ATRNL1: variants seen among roughly 807,000 people sequenced by gnomAD.
ATRNL1 encodes attractin-like protein 1.
A neutral mutation model predicts 182.7 loss-of-function variants in ATRNL1; 95 were observed. The ratio of observed to expected loss-of-function variants is 0.52; its 90% CI spans 0.44 to 0.62. The LOEUF is 0.62. ATRNL1 is among the 20% of genes least tolerant of loss of function. The pLI, the probability that ATRNL1 is intolerant of heterozygous loss-of-function variation, is 0.00. For synonymous variants in ATRNL1, 576 were observed against 568.3 expected, an observed-to-expected ratio of 1.01 and a Z score of -0.19; for missense variants, 1,471 against 1,679.5, an observed-to-expected ratio of 0.88 and a Z score of 2.17.
At chr10:115,267,141 A>C in intron 12 of ATRNL1, 136 bp downstream of exon 12, 1 of 596,718 alleles carries the variant, frequency 1.7e-6, no homozygotes, top group Non-Finnish European at 2.9e-6. Context: ...AGGAATTCTA[A>C]TGTTTGAACC....
At position 115,271,952 on chromosome 10, in the gene ATRNL1, C is replaced by T. The variant is rs782317812; in HGVS notation, c.2100+3508C>T. ...TCCCTCATGAATGGCTTGGGCCACC[C>T]GCTTGTTGATACGTGAGCTCTTGCT... On this transcript the variant is annotated intron_variant, in intron 13 of 28. Coordinates refer to ENST00000355044, the MANE Select transcript of ATRNL1 (RefSeq NM_207303.4). Among the ~76,000 whole-genome samples the T allele has an allele frequency of 4.6e-5, 7 of 152,118 alleles. No homozygotes were observed. The East Asian group carries it at 7.7e-4, about 17-fold the overall frequency.
At chr10:115,500,860 T>C (rs10787574) in intron 24 of ATRNL1, among the ~76,000 whole-genome samples, 89,327 of 149,118 alleles carry the variant, frequency 0.6, 27,136 homozygotes, top group Middle Eastern at 0.67. Context: ...ATTTTTTTTA[T>C]GTAGGCTTTT....
At chr10:115,922,708 T>C (rs1456151338) in intron 28 of ATRNL1, among the ~76,000 whole-genome samples, 3 of 152,214 alleles carry the variant, frequency 2.0e-5, no homozygotes, top group Non-Finnish European at 4.4e-5. Context: ...CAGTGCTGAC[T>C]TTTCCAATCT....
chr10:115,908,073 C>T (rs1952556640), intron 28 of ATRNL1, among the ~76,000 whole-genome samples: 2 of 152,162 alleles, frequency 1.3e-5, no homozygotes, highest in Non-Finnish European at 2.9e-5. Context: ...TTGAGATCTA[C>T]TTCCTACAAG....
At chr10:115,706,061 A>G (rs1358545174) in intron 26 of ATRNL1, among the ~76,000 whole-genome samples, 3 of 151,866 alleles carry the variant, frequency 2.0e-5, no homozygotes, top group Non-Finnish European at 4.4e-5. Flanking sequence ...TGTAAACTCA[A>G]TGACTTAAAA....
chr10:115,599,953 G>T (rs1040502650), intron 26 of ATRNL1, among the ~76,000 whole-genome samples: 2 of 152,006 alleles, frequency 1.3e-5, no homozygotes, highest in Non-Finnish European at 2.9e-5. Flanking sequence ...AATCTCAAAA[G>T]GTTCCCTCAT....
At chr10:115,267,029 T>G in intron 12 of ATRNL1, 24 bp downstream of exon 12, 1 of 1,506,504 alleles carries the variant, frequency 6.6e-7, no homozygotes, top group Non-Finnish European at 9.2e-7. Flanking sequence ...TCTTTTCGTC[T>G]TTGTGGCAGC....
intron 8 of ATRNL1, among the ~76,000 whole-genome samples, chr10:115,190,616 C>A (rs1390252069): frequency 2.6e-5 from 4 of 151,994 alleles, no homozygotes; most frequent in Admixed American, 2.6e-4. Flanking sequence ...TTATGAGATA[C>A]ATGTGATGTT....
intron 13 of ATRNL1, among the ~76,000 whole-genome samples, chr10:115,279,472 G>A (rs1022674348): frequency 2.6e-5 from 4 of 152,112 alleles, no homozygotes; most frequent in Admixed American, 2.6e-4. Context: ...AGGGCAATAG[G>A]AGGTGTCATC....
chr10:115,771,248 T>G (rs1395984897), intron 27 of ATRNL1, among the ~76,000 whole-genome samples: 1 of 130,972 alleles, frequency 7.6e-6, no homozygotes, highest in Non-Finnish European at 1.6e-5. Flanking sequence ...TTTTTTTTTT[T>G]GAGACAGAGT....
At chr10:115,685,724 A>G (rs1012268420) in intron 26 of ATRNL1, among the ~76,000 whole-genome samples, 3 of 151,932 alleles carry the variant, frequency 2.0e-5, no homozygotes, top group Non-Finnish European at 4.4e-5. Context: ...ATTGAATATC[A>G]TCTGTATTTT....
intron 28 of ATRNL1, among the ~76,000 whole-genome samples, chr10:115,853,346 A>G (rs998844211): frequency 6.6e-6 from 1 of 152,212 alleles, no homozygotes; most frequent in Admixed American, 6.5e-5. Flanking sequence ...AAAGATGTAG[A>G]TGGTTTATAG....
intron 19 of ATRNL1, among the ~76,000 whole-genome samples, chr10:115,357,828 T>C (rs1379948162): frequency 6.6e-6 from 1 of 151,692 alleles, no homozygotes; most frequent in Non-Finnish European, 1.5e-5. Flanking sequence ...ATTTCCAAAG[T>C]CCCACTACTA....
At chr10:115,666,019 G>C (rs1480670546) in intron 26 of ATRNL1, among the ~76,000 whole-genome samples, 1 of 152,062 alleles carries the variant, frequency 6.6e-6, no homozygotes, top group Non-Finnish European at 1.5e-5. Context: ...AATAACATTG[G>C]TATGGTAATT....
intron 24 of ATRNL1, among the ~76,000 whole-genome samples, chr10:115,470,048 G>C (rs1554971813): frequency 6.7e-6 from 1 of 150,260 alleles, no homozygotes; most frequent in African/African-American, 2.4e-5. Context: ...ATCAATCCTT[G>C]TTCATGGCTT....
chr10:115,176,790 A>G (rs1208582012), intron 8 of ATRNL1, among the ~76,000 whole-genome samples: 2 of 152,140 alleles, frequency 1.3e-5, no homozygotes, highest in Non-Finnish European at 2.9e-5. Flanking sequence ...ATATGTTGCT[A>G]TAGGTACTCT....
At chr10:115,265,139 G>A in intron 10 of ATRNL1, 54 bp from the exon 11 acceptor site, 1 of 1,153,248 alleles carries the variant, frequency 8.7e-7, no homozygotes, top group Non-Finnish European at 1.3e-6. Flanking sequence ...CATATTATTT[G>A]TCTTAGTTTA....
Position 115,211,047 on chromosome 10 carries a change from CTT to C in ATRNL1, c.1349-4636_1349-4635del, listed in dbSNP as rs373488525. Among the ~76,000 whole-genome samples, 105 of 134,620 alleles carry C rather than the reference CTT, an allele frequency of 7.8e-4. 1 individual carries two copies. The Middle Eastern group carries it at 0.012, about 15-fold the overall frequency. 88.3% of individuals were successfully genotyped at this position (134,620 alleles called of 152,430 possible). A position where few individuals can be genotyped will look rare whatever the true frequency, so the allele number is the denominator to read the frequency against. Reference sequence around the variant, plus strand: ...TCTGCTCTATTTGTTGTCCTGACTTCTTTTTTTTTTTTTTTAATTATACTTTA... The same window carrying C: ...TCTGCTCTATTTGTTGTCCTGACTTCTTTTTTTTTTTTTAATTATACTTTA... On this transcript the variant is annotated intron_variant, in intron 8 of 28. Coordinates refer to ENST00000355044, the MANE Select transcript of ATRNL1 (RefSeq NM_207303.4).
At chr10:115,492,040 C>T (rs1278490500) in intron 24 of ATRNL1, among the ~76,000 whole-genome samples, 1 of 152,148 alleles carries the variant, frequency 6.6e-6, no homozygotes, top group Non-Finnish European at 1.5e-5. Context: ...GATGCCCTAT[C>T]CTGCTTCAGC....
Sources: allele counts gnomAD v4.1 joint callset (sites outside exome capture counted in the v4.1 genomes callset), GRCh38; gene constraint gnomAD v4.1.1; transcripts MANE v1.5; gene names NCBI Gene and HGNC (gene_info 2026-07-23, HGNC 2026-07-21).